Variants in CHIC1 observed in about 807,000 individuals in gnomAD.
The protein encoded by CHIC1 is cysteine rich hydrophobic domain 1, also known as cysteine-rich hydrophobic domain-containing protein 1.
A neutral mutation model predicts 18.5 loss-of-function variants in CHIC1; 7 were observed. The observed-to-expected ratio is 0.38, with a 90% CI of 0.22 to 0.71. The LOEUF (loss-of-function observed/expected upper bound fraction) is 0.71, where lower values mean the gene tolerates loss of function less well. Among genes scored for constraint, CHIC1 ranks in the 30% least tolerant of loss-of-function variants. The pLI is 0.49. For synonymous variants in CHIC1, 77 were observed against 73.5 expected, an observed-to-expected ratio of 1.05 and a Z score of -0.25; for missense variants, 159 against 176.9, an observed-to-expected ratio of 0.90 and a Z score of 0.57.
intron 3 of CHIC1, among the ~76,000 whole-genome samples, chrX:73,599,335 A>C (rs1213903540): frequency 2.0e-5 from 2 of 98,905 alleles, no homozygotes; most frequent in Non-Finnish European, 3.9e-5. Flanking sequence ...TCTTTAGTTT[A>C]ATTAGATCCC....
chrX:73,587,751 A>G (rs182725785), intron 3 of CHIC1, among the ~76,000 whole-genome samples: 2 of 111,851 alleles, frequency 1.8e-5, no homozygotes, highest in East Asian at 2.8e-4. Flanking sequence ...CGTGTAATCT[A>G]TGTATAATTT....
At position 73,563,472 on chromosome X, in the gene CHIC1, A is replaced by T; in HGVS notation, c.188A>T (p.Glu63Val). The T allele has an allele frequency of 8.6e-7, 1 of 1,166,901 alleles. No individual in the cohort carries two copies. Among genetic ancestry groups the T allele is most frequent in the Non-Finnish European group, 1.1e-6 (1 of 872,689 alleles). The change falls in exon 1 of 6, where the codon GAG becomes GTG. Residue 63 changes from glutamate to valine, a missense_variant. Physicochemically the swap from Glu to Val is moderately radical, Grantham distance 121 (BLOSUM62 -2). Transcript: ENST00000373502. Reference sequence around the variant, plus strand: ...GAGGAGGAGGAAGAAGAGGAGGAGGAGGAAGAGGAGGAGGAAGCGCCGCCC... The same window carrying T: ...GAGGAGGAGGAAGAAGAGGAGGAGGTGGAAGAGGAGGAGGAAGCGCCGCCC... ...EEEEEEEEEE[E>V]EEEEEAPPPP...
At chrX:73,627,188 T>G (rs1156305072) in intron 3 of CHIC1, among the ~76,000 whole-genome samples, 1 of 106,972 alleles carries the variant, frequency 9.3e-6, no homozygotes, top group Admixed American at 1.0e-4. Flanking sequence ...CTGAGCCATC[T>G]AAAGCTGAGA....
chrX:73,670,728 GT>G (rs889355819), intron 3 of CHIC1, among the ~76,000 whole-genome samples: 2 of 110,158 alleles, frequency 1.8e-5, no homozygotes, highest in African/African-American at 3.3e-5. Context: ...CTTTTTATTT[GT>G]TTTTGGAAAC....
At chrX:73,644,779 G>T (rs375211970) in intron 3 of CHIC1, among the ~76,000 whole-genome samples, 1 of 110,565 alleles carries the variant, frequency 9.0e-6, no homozygotes, top group Non-Finnish European at 1.9e-5. Flanking sequence ...TCCAGGTGCC[G>T]TCTGTCATCC....
chrX:73,600,706 C>T (rs1244091752), intron 3 of CHIC1, among the ~76,000 whole-genome samples: 5 of 107,240 alleles, frequency 4.7e-5, no homozygotes, highest in East Asian at 2.9e-4. Flanking sequence ...GGTCGATAAG[C>T]TTTTTGATGT....
chrX:73,588,588 T>C (rs2057565068), intron 3 of CHIC1, among the ~76,000 whole-genome samples: 2 of 111,124 alleles, frequency 1.8e-5, no homozygotes, highest in South Asian at 7.5e-4. Context: ...CTCAGGAAGT[T>C]AAAAAGTGTT....
At chrX:73,673,237 T>C (rs1227053649) in intron 3 of CHIC1, among the ~76,000 whole-genome samples, 1 of 111,702 alleles carries the variant, frequency 9.0e-6, no homozygotes, top group African/African-American at 3.3e-5. Context: ...GCGGGCTCTT[T>C]TTTGGTTCCA....
intron 1 of CHIC1, among the ~76,000 whole-genome samples, chrX:73,575,343 C>T (rs961275183): frequency 9.1e-6 from 1 of 109,523 alleles, no homozygotes; most frequent in East Asian, 2.9e-4. Context: ...GCTTTTAAAG[C>T]GTAAAAGTAA....
intron 3 of CHIC1, among the ~76,000 whole-genome samples, chrX:73,656,654 G>T (rs1336529819): frequency 1.8e-5 from 2 of 111,681 alleles, no homozygotes; most frequent in Non-Finnish European, 1.9e-5. Context: ...TGTTCCAATG[G>T]TCTGTGTGTC....
chrX:73,574,963 TC>T (rs2057490109), intron 1 of CHIC1, among the ~76,000 whole-genome samples: 1 of 110,080 alleles, frequency 9.1e-6, no homozygotes, highest in South Asian at 3.8e-4. Flanking sequence ...TTTTCATAGT[TC>T]CTCTAGGTCC....
At chrX:73,600,036 A>G (rs2057635583) in intron 3 of CHIC1, among the ~76,000 whole-genome samples, 1 of 102,213 alleles carries the variant, frequency 9.8e-6, no homozygotes, top group Non-Finnish European at 1.9e-5. Flanking sequence ...TTCTCCTTGA[A>G]GAGGTCCTTC....
At chrX:73,571,610 C>T (rs1013110429) in intron 1 of CHIC1, among the ~76,000 whole-genome samples, 7 of 110,979 alleles carry the variant, frequency 6.3e-5, no homozygotes, top group Non-Finnish European at 1.1e-4. Flanking sequence ...TAGCTATACT[C>T]TTGTGTCTAT....
chrX:73,618,134 C>CTT (rs1382074343), intron 3 of CHIC1, among the ~76,000 whole-genome samples: 1 of 111,654 alleles, frequency 9.0e-6, no homozygotes, highest in East Asian at 2.8e-4. Flanking sequence ...CGTGAACTGT[C>CTT]TTCAGGTCTC....
chrX:73,634,033 C>G (rs1263147868), intron 3 of CHIC1, among the ~76,000 whole-genome samples: 2 of 111,883 alleles, frequency 1.8e-5, no homozygotes, highest in African/African-American at 6.5e-5. Context: ...TGTGGATTCT[C>G]TATTTATTCA....
chrX:73,598,628 A>G (rs1048481215), intron 3 of CHIC1, among the ~76,000 whole-genome samples: 14 of 108,032 alleles, frequency 1.3e-4, no homozygotes, highest in Non-Finnish European at 2.7e-4. Flanking sequence ...GATGCTTTCC[A>G]ATTTCATCCA....
intron 3 of CHIC1, among the ~76,000 whole-genome samples, chrX:73,586,215 G>A (rs2057552440): frequency 9.0e-6 from 1 of 111,301 alleles, no homozygotes; most frequent in African/African-American, 3.3e-5. Flanking sequence ...CCTTTAAGTA[G>A]AACATACATT....
chrX:73,625,664 G>A (rs2057780197), intron 3 of CHIC1, among the ~76,000 whole-genome samples: 1 of 111,392 alleles, frequency 9.0e-6, no homozygotes, highest in Non-Finnish European at 1.9e-5. Flanking sequence ...GAGAGTAACA[G>A]TTAACATCCC....
At chrX:73,636,135 T>G (rs1656312187) in intron 3 of CHIC1, among the ~76,000 whole-genome samples, 1 of 112,165 alleles carries the variant, frequency 8.9e-6, no homozygotes, top group Admixed American at 9.5e-5. Context: ...GATTTTTACT[T>G]AAGGCCAATT....
Sources: gnomAD v4.1 joint callset for allele counts (sites outside exome capture counted in the v4.1 genomes callset) on GRCh38, gnomAD v4.1.1 for gene constraint, MANE v1.5 for transcripts, NCBI Gene and HGNC (gene_info 2026-07-23, HGNC 2026-07-21) for gene names.